TPO: variants seen among roughly 807,000 people sequenced by gnomAD.
TPO encodes thyroid microsomal antigen.
Under a neutral mutation model 96.9 loss-of-function variants are expected in TPO, and 78 were observed. The ratio of observed to expected loss-of-function variants is 0.81; its 90% confidence interval spans 0.67 to 0.97. The LOEUF is 0.97. TPO is among the 50% of genes least tolerant of loss of function. TPO has a pLI of 0.00. For synonymous variants in TPO, 547 were observed against 538.0 expected, an observed-to-expected ratio of 1.02 and a Z score of -0.23; for missense variants, 1,252 against 1,274.8, an observed-to-expected ratio of 0.98 and a Z score of 0.27.
intron 15 of TPO, among the ~76,000 whole-genome samples, chr2:1,530,207 C>G (rs1461002609): frequency 2.6e-4 from 13 of 50,492 alleles, no homozygotes; most frequent in African/African-American, 9.4e-4. Context: ...ATCCCTCCCA[C>G]TGTGTGCAAC....
rs1558447989 is a variant in TPO, at chr2:1,540,690, A to G, written c.2715A>G (p.Ser905=). 1.2e-6 allele frequency: 2 copies of G among 1,612,894 alleles called. No homozygotes were observed. The part of the protein sequence containing the change: ...RCGKHQAVGT[S]PQRAAAQDSE... Reference sequence around the variant, plus strand: ...GAAAGCACCAGGCCGTAGGGACCTCACCGCAGCGGGCCGCAGCTCAGGACT... The same window carrying G: ...GAAAGCACCAGGCCGTAGGGACCTCGCCGCAGCGGGCCGCAGCTCAGGACT... Residue 905 remains serine, a synonymous_variant, in exon 16 of 17, where the codon TCA becomes TCG. Transcript: ENST00000329066.
Position 1,522,416 on chromosome 2 carries a change from C to T in TPO, c.2618+5434C>T, listed in dbSNP as rs374733453. On this transcript the variant is annotated intron_variant, in intron 15 of 16. Transcript: ENST00000329066. ...TCTCTACCCCACACCTGCCTGCCAC[C>T]GTGCCCTCGCAGTCTCTCTTCCCCA... Among the ~76,000 whole-genome samples, 14 of 147,014 alleles carry T rather than the reference C, an allele frequency of 9.5e-5. No homozygotes were observed. The South Asian group carries it at 1.8e-3, about 19-fold the overall frequency.
intron 13 of TPO, among the ~76,000 whole-genome samples, chr2:1,501,707 C>A (rs1314943786): frequency 6.6e-6 from 1 of 152,088 alleles, no homozygotes; most frequent in South Asian, 2.1e-4. Context: ...CCTGTGAAGA[C>A]CCAGGATGGA....
At chr2:1,382,858 T>TCCC (rs1661830931) in intron 1 of TPO, among the ~76,000 whole-genome samples, 18 of 148,780 alleles carry the variant, frequency 1.2e-4, no homozygotes, top group Admixed American at 1.1e-3. Context: ...GTATATCTCC[T>TCCC]AATGCTATCC....
chr2:1,426,209 G>T (rs1245222070), intron 3 of TPO, among the ~76,000 whole-genome samples: 1 of 138,876 alleles, frequency 7.2e-6, no homozygotes, highest in Non-Finnish European at 1.5e-5. Context: ...TGCTCCTTCC[G>T]TAAAGTCATT....
At chr2:1,425,374 G>A (rs528968672) in intron 3 of TPO, among the ~76,000 whole-genome samples, 121 of 151,664 alleles carry the variant, frequency 8.0e-4, no homozygotes, top group Non-Finnish European at 2.4e-4. Context: ...TCTAGATGTC[G>A]GGATACAGAG....
chr2:1,515,651 T>G (rs915946376), intron 14 of TPO, among the ~76,000 whole-genome samples: 16 of 152,144 alleles, frequency 1.1e-4, no homozygotes, highest in African/African-American at 3.9e-4. Context: ...ACACGACCTG[T>G]GTCCGGGCTG....
chr2:1,434,807 G>A (rs1330951082), intron 4 of TPO, among the ~76,000 whole-genome samples: 1 of 152,104 alleles, frequency 6.6e-6, no homozygotes, highest in African/African-American at 2.4e-5. Context: ...AGAACACGAG[G>A]AACCTAAAAA....
At chr2:1,440,118 ATGTGCTACATTTCCAC>A (rs1412060212) in intron 5 of TPO, among the ~76,000 whole-genome samples, 10 of 150,068 alleles carry the variant, frequency 6.7e-5, no homozygotes, top group African/African-American at 2.5e-4. Context: ...TGCGTTTCCA[ATGTGCTACATTTCCAC>A]TGTGCTGCGT....
At chr2:1,428,561 C>G (rs769497759) in intron 3 of TPO, among the ~76,000 whole-genome samples, 6 of 152,146 alleles carry the variant, frequency 3.9e-5, no homozygotes, top group Admixed American at 1.3e-4. Flanking sequence ...GCTTTCCTGA[C>G]GTACCCCTTT....
chr2:1,515,862 G>A (rs1377879384), intron 14 of TPO, among the ~76,000 whole-genome samples: 2 of 152,014 alleles, frequency 1.3e-5, no homozygotes, highest in East Asian at 1.9e-4. Flanking sequence ...TCAACCACAC[G>A]TGATGATGTT....
intron 5 of TPO, among the ~76,000 whole-genome samples, chr2:1,442,943 G>T (rs1666334300): frequency 6.6e-6 from 1 of 152,174 alleles, no homozygotes; most frequent in Non-Finnish European, 1.5e-5. Context: ...TTGAAAAATT[G>T]CATTATTTCT....
At chr2:1,413,740 C>G in intron 1 of TPO, 195 bp downstream of exon 1, 2 of 985,274 alleles carry the variant, frequency 2.0e-6, no homozygotes, top group South Asian at 4.7e-5. Flanking sequence ...CCTGTAGGGT[C>G]GATTCCTAGA....
chr2:1,431,549 T>C (rs1664979598), intron 3 of TPO, among the ~76,000 whole-genome samples: 1 of 152,234 alleles, frequency 6.6e-6, no homozygotes, highest in African/African-American at 2.4e-5. Flanking sequence ...TGTTTTGATA[T>C]ACAAATACAT....
Position 1,394,716 on chromosome 2 carries a change from G to T in TPO, n.180+20314G>T, listed in dbSNP as rs893119917. Among the ~76,000 whole-genome samples, 35 of 152,304 alleles carry T rather than the reference G, an allele frequency of 2.3e-4. 1 individual carries two copies. Among genetic ancestry groups the T allele is most frequent in the African/African-American group, 8.2e-4 (34 of 41,566 alleles). Reference sequence around the variant, plus strand: ...ACCCGGGCCCTGCCCAGAGAGTCCTGCCTGGTCTAATGCTCTGCTGTCACT... The same window carrying T: ...ACCCGGGCCCTGCCCAGAGAGTCCTTCCTGGTCTAATGCTCTGCTGTCACT... On this transcript the variant is annotated intron_variant and non_coding_transcript_variant, in intron 1 of 5. Coordinates refer to the TPO transcript ENST00000497517.
intron 15 of TPO, among the ~76,000 whole-genome samples, chr2:1,530,069 T>A (rs72776263): frequency 0.13 from 15,925 of 120,808 alleles, 1,460 homozygotes; most frequent in African/African-American, 0.17. Flanking sequence ...TCTCCCACAC[T>A]CTGTGCAACC....
rs1418310476 is a variant in TPO at position 1,496,004 on chromosome 2, CA to C, written c.2023del (p.Ser675AlafsTer53). The C allele has an allele frequency of 6.2e-7, 1 of 1,612,748 alleles. No individual in the cohort carries two copies. The highest frequency in any genetic ancestry group is 8.5e-7 in the Non-Finnish European group (1 of 1,179,972). On this transcript the variant is annotated frameshift_variant, in exon 12 of 17. Transcript: ENST00000329066. LOFTEE classifies it high-confidence loss of function. ...TTCTCTGGAGGTTTTGGTGGGAGAA[CA>C]GCCACGTCTTCACGGATGCACAGAG... ...RDGDWFWWEN[S>X]HVFTDAQRRE...
intron 3 of TPO, among the ~76,000 whole-genome samples, chr2:1,423,967 T>C (rs936811022): frequency 3.9e-5 from 6 of 152,210 alleles, no homozygotes; most frequent in African/African-American, 1.4e-4. Flanking sequence ...AAGTGCGTAG[T>C]AAGAAGTGTG....
At chr2:1,403,371 C>A (rs1662200414) in intron 1 of TPO, among the ~76,000 whole-genome samples, 1 of 152,204 alleles carries the variant, frequency 6.6e-6, no homozygotes, top group Admixed American at 6.5e-5. Context: ...TCTCCCTCCT[C>A]CTACCATCGT....
Sources: allele counts gnomAD v4.1 joint callset (sites outside exome capture counted in the v4.1 genomes callset), GRCh38; gene constraint gnomAD v4.1.1; transcripts MANE v1.5; gene names NCBI Gene and HGNC (gene_info 2026-07-23, HGNC 2026-07-21).